The following COA1 variants were observed in gnomAD, a reference collection of about 807,000 sequenced individuals.
COA1 encodes the protein cytochrome c oxidase assembly factor 1, also known as cytochrome c oxidase assembly factor 1 homolog.
In COA1, 13 loss-of-function variants were observed where a neutral mutation model predicts 16.0. That is an observed-to-expected ratio of 0.81 (90% confidence interval 0.53 to 1.29). The LOEUF is 1.29. Ranked by LOEUF, COA1 falls within the 50% of genes most tolerant of loss-of-function variation. COA1 has a pLI of 0.00. For synonymous variants in COA1, 65 were observed against 65.7 expected (o/e 0.99, Z 0.05); for missense variants, 179 against 177.0 (o/e 1.01, Z -0.06).
chr7:43,636,012 A>T (rs1040177251), downstream of COA1, among the ~76,000 whole-genome samples: 3 of 152,226 alleles, frequency 2.0e-5, no homozygotes, highest in African/African-American at 7.2e-5. Context: ...CCTTAAAAAA[A>T]TTCCTTTTGG....
At chr7:43,702,594 G>T (rs2094793660) in intron 1 of COA1, among the ~76,000 whole-genome samples, 1 of 151,846 alleles carries the variant, frequency 6.6e-6, no homozygotes, top group African/African-American at 2.4e-5. Flanking sequence ...AATCTTGGGG[G>T]GTTGTATGTT....
chr7:43,676,101 T>A (rs2093504982), intron 1 of COA1, among the ~76,000 whole-genome samples: 1 of 152,126 alleles, frequency 6.6e-6, no homozygotes, highest in Non-Finnish European at 1.5e-5. Context: ...ACTTAAAACA[T>A]TAAATTTAAA....
intron 1 of COA1, among the ~76,000 whole-genome samples, chr7:43,703,799 A>G (rs991435009): frequency 3.3e-5 from 5 of 152,198 alleles, no homozygotes; most frequent in Non-Finnish European, 5.9e-5. Context: ...TCTTTATCCA[A>G]TTAGCCACTC....
At chr7:43,713,904 T>C (rs1191606467) in intron 1 of COA1, among the ~76,000 whole-genome samples, 1 of 152,086 alleles carries the variant, frequency 6.6e-6, no homozygotes. Context: ...CCAGGCATGG[T>C]GGCGCACACC....
intron 1 of COA1, among the ~76,000 whole-genome samples, chr7:43,679,264 C>CAAAAAA (rs10618048): frequency 3.6e-5 from 3 of 84,120 alleles, no homozygotes; most frequent in East Asian, 3.4e-4. Context: ...AACTCCATTG[C>CAAAAAA]AAAAAAAAAA....
intron 1 of COA1, among the ~76,000 whole-genome samples, chr7:43,726,374 A>G (rs1320852124): frequency 6.6e-6 from 1 of 152,236 alleles, no homozygotes; most frequent in African/African-American, 2.4e-5. Flanking sequence ...CTAAACTATT[A>G]GCCAGAAGGC....
chr7:43,638,566 C>CTTTTTTTTT (rs746584234), downstream of COA1, among the ~76,000 whole-genome samples: 7 of 97,426 alleles, frequency 7.2e-5, no homozygotes, highest in African/African-American at 1.6e-4. Context: ...TTTTTCTTTC[C>CTTTTTTTTT]TTTTTTTTTT....
At chr7:43,662,617 A>G (rs1404383966) in intron 1 of COA1, among the ~76,000 whole-genome samples, 1 of 152,274 alleles carries the variant, frequency 6.6e-6, no homozygotes, top group Non-Finnish European at 1.5e-5. Flanking sequence ...GCCAGACATT[A>G]AAGAATTTTT....
At chr7:43,669,808 T>TA (rs2093144632) in intron 1 of COA1, among the ~76,000 whole-genome samples, 1 of 151,726 alleles carries the variant, frequency 6.6e-6, no homozygotes, top group African/African-American at 2.4e-5. Context: ...AACTTTACCC[T>TA]ACCCAGGACT....
intron 1 of COA1, among the ~76,000 whole-genome samples, chr7:43,720,395 T>C (rs1340713140): frequency 6.6e-6 from 1 of 152,224 alleles, no homozygotes; most frequent in East Asian, 1.9e-4. Flanking sequence ...CTAAGTATGA[T>C]GGACTAGAAA....
At chr7:43,702,324 A>G (rs372825338) in intron 1 of COA1, among the ~76,000 whole-genome samples, 1 of 152,168 alleles carries the variant, frequency 6.6e-6, no homozygotes, top group Admixed American at 6.5e-5. Context: ...CGAGCCAGTT[A>G]TTCCAGCACT....
At chr7:43,687,628 T>C (rs1231853484) in intron 1 of COA1, among the ~76,000 whole-genome samples, 1 of 152,190 alleles carries the variant, frequency 6.6e-6, no homozygotes, top group Non-Finnish European at 1.5e-5. Flanking sequence ...ACATTAAAGT[T>C]CAAAACACAT....
intron 1 of COA1, among the ~76,000 whole-genome samples, chr7:43,728,841 T>C (rs1039261940): frequency 1.3e-5 from 2 of 152,062 alleles, no homozygotes; most frequent in African/African-American, 4.8e-5. Flanking sequence ...TATCAGAATC[T>C]CCATAGATTT....
At chr7:43,709,092 C>T (rs1335793673) in intron 1 of COA1, among the ~76,000 whole-genome samples, 3 of 150,746 alleles carry the variant, frequency 2.0e-5, no homozygotes, top group African/African-American at 7.3e-5. Flanking sequence ...GGCACGATCT[C>T]AGCTCAGTGC....
intron 1 of COA1, among the ~76,000 whole-genome samples, chr7:43,701,711 G>A (rs1016660992): frequency 6.6e-6 from 1 of 152,194 alleles, no homozygotes; most frequent in Non-Finnish European, 1.5e-5. Context: ...CCCACCAGCA[G>A]TGTATATGCA....
chr7:43,676,590 T>C (rs1163244787), intron 1 of COA1, among the ~76,000 whole-genome samples: 1 of 152,162 alleles, frequency 6.6e-6, no homozygotes, highest in African/African-American at 2.4e-5. Context: ...AGTGTTCTAG[T>C]GTTCTAAAGC....
At chr7:43,723,972 T>C (rs2095560619) in intron 1 of COA1, among the ~76,000 whole-genome samples, 1 of 152,162 alleles carries the variant, frequency 6.6e-6, no homozygotes, top group African/African-American at 2.4e-5. Flanking sequence ...ATGTTTACAA[T>C]TTGGAAAACT....
At chr7:43,720,935 A>G (rs1368956644) in intron 1 of COA1, among the ~76,000 whole-genome samples, 2 of 152,228 alleles carry the variant, frequency 1.3e-5, no homozygotes, top group African/African-American at 2.4e-5. Flanking sequence ...GATGCTGGCA[A>G]TTAGAACCTG....
chr7:43,725,099 G>C (rs1314396302), intron 1 of COA1, among the ~76,000 whole-genome samples: 1 of 152,128 alleles, frequency 6.6e-6, no homozygotes, highest in African/African-American at 2.4e-5. Context: ...TTAGCTAGGT[G>C]TGGTGGCGCA....
Sources: gnomAD v4.1 joint callset for allele counts (sites outside exome capture counted in the v4.1 genomes callset) on GRCh38, gnomAD v4.1.1 for gene constraint, MANE v1.5 for transcripts, NCBI Gene and HGNC (gene_info 2026-07-23, HGNC 2026-07-21) for gene names.